The following SLC36A2 variants were observed in gnomAD, a reference collection of about 807,000 sequenced individuals.
The protein encoded by SLC36A2 is solute carrier family 36 member 2.
In SLC36A2, 39 loss-of-function variants were observed where a neutral mutation model predicts 42.7. That is an observed-to-expected ratio of 0.91 (90% CI 0.71 to 1.19). SLC36A2 has a LOEUF of 1.19. SLC36A2 is among the 50% of genes most tolerant of loss of function. The pLI, the probability that SLC36A2 is intolerant of heterozygous loss-of-function variation, is 0.00. For missense variants in SLC36A2, 590 were observed against 613.7 expected, an observed-to-expected ratio of 0.96 and a Z score of 0.41; for synonymous variants, 237 against 240.8, an observed-to-expected ratio of 0.98 and a Z score of 0.15.
At position 151,317,105 on chromosome 5, in the gene SLC36A2, G is replaced by T; in HGVS notation, c.1181-17C>A. ...CCAGGAGGCCTGCAGGGAGAGGATA[G>T]TGGAGAGATGGAGCATTCCAGGCTT... On this transcript the variant is annotated splice_polypyrimidine_tract_variant and intron_variant, in intron 9 of 9. Coordinates refer to ENST00000335244, the MANE Select transcript of SLC36A2 (RefSeq NM_181776.3). 6.2e-7 allele frequency: 1 copy of T among 1,613,262 alleles called. No individual in the cohort carries two copies. Among genetic ancestry groups the T allele is most frequent in the Non-Finnish European group, 8.5e-7 (1 of 1,179,674 alleles).
Position 151,316,877 on chromosome 5 carries a change from G to T in SLC36A2, c.1392C>A (p.Asp464Glu), listed in dbSNP as rs144651323. ...GAGAGTCTTCTGACTTGAGCAGCTC[G>T]TCCAGGGCCTGGTAGGTCCCCACCA... ...GFVVGTYQAL[D>E]ELLKSEDSHP... The change falls in exon 10 of 10, where the codon GAC becomes GAA. Residue 464 changes from aspartate (D) to glutamate (E), a missense_variant. Asp to Glu is a conservative substitution (Grantham distance 45). Transcript: ENST00000335244. 1.2e-6 allele frequency: 2 copies of T among 1,613,964 alleles called. No homozygotes were observed. Among genetic ancestry groups the T allele is most frequent in the Non-Finnish European group, 1.7e-6 (2 of 1,180,020 alleles).
At chr5:151,325,087 A>G in intron 8 of SLC36A2, 199 bp downstream of exon 8, 1 of 677,354 alleles carries the variant, frequency 1.5e-6, no homozygotes, top group Non-Finnish European at 2.6e-6. Flanking sequence ...GTCAAGGCTT[A>G]ACTCAATTTG....
At position 151,324,692 on chromosome 5, in the gene SLC36A2, G is replaced by T. The variant is rs946413572; in HGVS notation, c.1010+594C>A. On this transcript the variant is annotated intron_variant, in intron 8 of 9. Transcript: ENST00000335244. ...GTCACTCAGGCTGGAGTGGAGTGCA[G>T]TGGTGTGATGATAGCCTTCTGTAAC... 4.6e-5 allele frequency among the ~76,000 whole-genome samples: 7 copies of T among 152,138 alleles called. No individual in the cohort carries two copies. In the East Asian group the frequency reaches 1.3e-3, roughly 29 times the overall value.
At chr5:151,333,377 C>T (rs910903100) in intron 6 of SLC36A2, 55 bp from the exon 7 acceptor site, 1 of 1,448,034 alleles carries the variant, frequency 6.9e-7, no homozygotes, top group Non-Finnish European at 9.7e-7. Context: ...ATTTGAGCTC[C>T]TTTAAGAGAA....
chr5:151,320,197 A>G (rs894810862), intron 9 of SLC36A2, among the ~76,000 whole-genome samples: 1 of 152,010 alleles, frequency 6.6e-6, no homozygotes, highest in African/African-American at 2.4e-5. Flanking sequence ...GTAAATGGTT[A>G]TTTGTAATCT....
intron 1 of SLC36A2, among the ~76,000 whole-genome samples, chr5:151,344,914 G>A (rs1561663754): frequency 6.6e-6 from 1 of 152,122 alleles, no homozygotes; most frequent in Non-Finnish European, 1.5e-5. Flanking sequence ...GGATGACTGG[G>A]TCCCCAGATG....
intron 1 of SLC36A2, among the ~76,000 whole-genome samples, chr5:151,344,575 G>A (rs990696779): frequency 2.0e-5 from 3 of 152,198 alleles, no homozygotes; most frequent in South Asian, 2.1e-4. Context: ...ACAAAGATAC[G>A]ATTATCATCT....
intron 5 of SLC36A2, among the ~76,000 whole-genome samples, chr5:151,336,757 A>C (rs1418975196): frequency 6.9e-6 from 1 of 144,640 alleles, no homozygotes; most frequent in African/African-American, 2.6e-5. Flanking sequence ...ACCACCCTCC[A>C]TTTAAAGTCA....
At chr5:151,326,957 C>T (rs1041692716) in intron 7 of SLC36A2, among the ~76,000 whole-genome samples, 47 of 152,172 alleles carry the variant, frequency 3.1e-4, no homozygotes, top group South Asian at 4.2e-4. Flanking sequence ...GGACTATAGG[C>T]ATGTGCTGCC....
intron 9 of SLC36A2, among the ~76,000 whole-genome samples, chr5:151,317,309 G>A (rs999248406): frequency 5.3e-5 from 8 of 151,852 alleles, no homozygotes; most frequent in Non-Finnish European, 1.0e-4. Context: ...AAAATCAGCC[G>A]GGTGTGGTAG....
At chr5:151,319,906 T>A (rs1217274163) in intron 9 of SLC36A2, 1 of 152,198 alleles carries the variant, frequency 6.6e-6, no homozygotes, top group African/African-American at 2.4e-5. Flanking sequence ...ATATAGCAGG[T>A]CCCTTCACAT....
chr5:151,326,590 G>C (rs917513236), intron 7 of SLC36A2, among the ~76,000 whole-genome samples: 16 of 152,118 alleles, frequency 1.1e-4, no homozygotes, highest in African/African-American at 3.9e-4. Context: ...TCCAAGTTGA[G>C]GCCAGTCTGC....
chr5:151,317,178 A>G, intron 9 of SLC36A2, 90 bp from the exon 10 acceptor site: 1 of 1,498,412 alleles, frequency 6.7e-7, no homozygotes, highest in African/African-American at 1.4e-5. Flanking sequence ...TTGGCCAGGC[A>G]CAGTGGCTCA....
At chr5:151,330,555 C>T (rs1371253216) in intron 7 of SLC36A2, among the ~76,000 whole-genome samples, 1 of 152,180 alleles carries the variant, frequency 6.6e-6, no homozygotes, top group Admixed American at 6.5e-5. Flanking sequence ...AATGAAGGTT[C>T]TTCATGCTGA....
At chr5:151,323,648 C>A (rs954133311) in intron 8 of SLC36A2, among the ~76,000 whole-genome samples, 5 of 152,224 alleles carry the variant, frequency 3.3e-5, no homozygotes, top group Non-Finnish European at 7.3e-5. Flanking sequence ...AGGAGTTTCC[C>A]TGTTGTCTCC....
At chr5:151,319,955 A>T (rs529197416) in intron 9 of SLC36A2, among the ~76,000 whole-genome samples, 41 of 152,218 alleles carry the variant, frequency 2.7e-4, no homozygotes, top group Non-Finnish European at 5.4e-4. Flanking sequence ...GTACAGACTT[A>T]GAACTTATCT....
At chr5:151,341,214 T>G (rs777533032) in intron 4 of SLC36A2, among the ~76,000 whole-genome samples, 2 of 152,202 alleles carry the variant, frequency 1.3e-5, no homozygotes, top group Non-Finnish European at 2.9e-5. Context: ...CTTCTTTATA[T>G]GCCCAACAAC....
intron 1 of SLC36A2, among the ~76,000 whole-genome samples, chr5:151,345,079 CAA>C (rs1756456465): frequency 6.6e-6 from 1 of 152,162 alleles, no homozygotes; most frequent in South Asian, 2.1e-4. Flanking sequence ...GCCCGGAGGA[CAA>C]AGTCTAAACC....
At chr5:151,330,959 G>A (rs1161898580) in intron 7 of SLC36A2, among the ~76,000 whole-genome samples, 1 of 152,190 alleles carries the variant, frequency 6.6e-6, no homozygotes, top group Non-Finnish European at 1.5e-5. Flanking sequence ...AATCAAAACT[G>A]TGTGGTTCTG....
Sources: gnomAD v4.1 joint callset for allele counts (sites outside exome capture counted in the v4.1 genomes callset) on GRCh38, gnomAD v4.1.1 for gene constraint, MANE v1.5 for transcripts, NCBI Gene and HGNC (gene_info 2026-07-23, HGNC 2026-07-21) for gene names.